Variants in JADE3 observed in about 807,000 individuals in gnomAD.
The protein encoded by JADE3 is jade family PHD finger 3, also known as protein Jade-3.
A neutral mutation model predicts 50.1 loss-of-function variants in JADE3; 2 were observed. The ratio of observed to expected loss-of-function variants is 0.04; its 90% confidence interval spans 0.02 to 0.13. The LOEUF (loss-of-function observed/expected upper bound fraction) is 0.13, where lower values mean the gene tolerates loss of function less well. Among genes scored for constraint, JADE3 ranks in the 10% least tolerant of loss-of-function variants. The pLI is 1.00. For synonymous variants in JADE3, 218 were observed against 232.9 expected (o/e 0.94, Z 0.58); for missense variants, 475 against 634.4 (o/e 0.75, Z 2.70).
chrX:47,026,881 G>A (rs1249372986), intron 5 of JADE3, among the ~76,000 whole-genome samples: 2 of 110,881 alleles, frequency 1.8e-5, no homozygotes, highest in Non-Finnish European at 3.8e-5. Flanking sequence ...GGTAAGGTTG[G>A]AATTTTAATC....
At chrX:46,982,632 T>C (rs782474759) in intron 1 of JADE3, among the ~76,000 whole-genome samples, 1 of 111,115 alleles carries the variant, frequency 9.0e-6, no homozygotes, top group South Asian at 3.8e-4. Flanking sequence ...GATTATTTTA[T>C]TGAAGTCTAT....
chrX:47,005,128 T>C (rs1211324528), intron 4 of JADE3, among the ~76,000 whole-genome samples: 1 of 111,676 alleles, frequency 9.0e-6, no homozygotes, highest in East Asian at 2.8e-4. Context: ...CTGGAGAAGC[T>C]AGCAACCCAG....
intron 10 of JADE3, 35 bp from the exon 11 acceptor site, chrX:47,058,132 C>T (rs782368497): frequency 9.8e-6 from 11 of 1,118,922 alleles, no homozygotes; most frequent in Non-Finnish European, 1.3e-5. Flanking sequence ...TTATTTAAAT[C>T]GGTTGTTAAA....
At chrX:47,023,447 AT>A (rs1230779040) in intron 4 of JADE3, among the ~76,000 whole-genome samples, 1 of 108,798 alleles carries the variant, frequency 9.2e-6, no homozygotes, top group Non-Finnish European at 1.9e-5. Context: ...ACATGATCTC[AT>A]TTTTTTTTGG....
At chrX:46,989,318 C>G (rs1456418890) in intron 3 of JADE3, among the ~76,000 whole-genome samples, 2 of 111,714 alleles carry the variant, frequency 1.8e-5, no homozygotes, top group East Asian at 5.6e-4. Context: ...TTCTGATGTT[C>G]CCATTTTTCT....
In JADE3 at chrX:47,052,633, CAAA is replaced by C. The variant is rs1195947563; in HGVS notation, c.973-1501_973-1499del. Among the ~76,000 whole-genome samples the C allele has an allele frequency of 9.0e-4, 17 of 18,914 alleles. No homozygotes were observed. In the South Asian group the frequency reaches 0.051, roughly 57 times the overall value. The allele number at this position is 18,914 out of a possible 115,157, so 16.4% of individuals were successfully genotyped here. A position where few individuals can be genotyped will look rare whatever the true frequency, so the allele number is the denominator to read the frequency against. ...TCAGCAACAGAGTGAGACTCTGTCT[CAAA>C]AAAAAAAAAAAAAAAAAAAAAAACT... On this transcript the variant is annotated intron_variant, in intron 8 of 10. Transcript: ENST00000614628.
chrX:46,925,007 A>G (rs1926324915), intron 1 of JADE3, among the ~76,000 whole-genome samples: 1 of 112,193 alleles, frequency 8.9e-6, no homozygotes, highest in Admixed American at 9.5e-5. Flanking sequence ...CTGACTAGGT[A>G]AGTGGAATAA....
At chrX:47,057,575 C>T (rs1328470627) in intron 10 of JADE3, among the ~76,000 whole-genome samples, 1 of 111,023 alleles carries the variant, frequency 9.0e-6, no homozygotes, top group African/African-American at 3.3e-5. Flanking sequence ...CATTTGTAGT[C>T]AGGAAATTAT....
chrX:46,962,046 C>T (rs782274397), intron 1 of JADE3, among the ~76,000 whole-genome samples: 1 of 112,087 alleles, frequency 8.9e-6, no homozygotes, highest in Non-Finnish European at 1.9e-5. Context: ...AATTGAGCCT[C>T]TGTTCTGAGC....
In JADE3 at chrX:46,929,813, C is replaced by T. The variant is rs191897887; in HGVS notation, c.-12+17094C>T. ...ACCATGAGTCATTCTGACCGTCTGC[C>T]TCTGCCTGGAGTGTTCTCCATATTG... On this transcript the variant is annotated intron_variant, in intron 1 of 10. Transcript: ENST00000614628. Among the ~76,000 whole-genome samples the T allele has an allele frequency of 4.8e-3, 533 of 112,083 alleles. 2 individuals are homozygous for T. The highest frequency in any genetic ancestry group is 0.017 in the African/African-American group (513 of 30,850).
chrX:46,999,954 C>T lies in JADE3; in HGVS notation c.284+1677C>T, dbSNP rs1297230575. On this transcript the variant is annotated intron_variant, in intron 4 of 10. Coordinates refer to ENST00000614628, the MANE Select transcript of JADE3 (RefSeq NM_014735.5). ...GAGAAATTGCAGATCTTATTGTACACCCATCAATTTCTGTTACATATTAGA... is the reference window on the plus strand; with the variant it reads ...GAGAAATTGCAGATCTTATTGTACATCCATCAATTTCTGTTACATATTAGA... Among the ~76,000 whole-genome samples, 4 of 111,327 alleles carry T rather than the reference C, an allele frequency of 3.6e-5. No individual in the cohort carries two copies. The Admixed American group carries it at 3.8e-4, about 11-fold the overall frequency.
At chrX:46,913,785 G>A (rs982804056) in intron 1 of JADE3, among the ~76,000 whole-genome samples, 114 of 110,015 alleles carry the variant, frequency 1.0e-3, no homozygotes, top group African/African-American at 3.6e-3. Flanking sequence ...TCGCTGTGCG[G>A]CCCTGGGACA....
intron 4 of JADE3, 45 bp downstream of exon 4, chrX:46,998,322 A>ACATTCAAT: frequency 4.5e-6 from 5 of 1,113,342 alleles, no homozygotes; most frequent in Non-Finnish European, 6.1e-6. Context: ...GAATGCTCTC[A>ACATTCAAT]TGTTTGTCTG....
At chrX:46,995,645 G>A (rs1221995849) in intron 3 of JADE3, among the ~76,000 whole-genome samples, 2 of 112,015 alleles carry the variant, frequency 1.8e-5, no homozygotes, top group Non-Finnish European at 3.8e-5. Flanking sequence ...CTTTAAAAAT[G>A]CCTTTTCTTA....
intron 1 of JADE3, among the ~76,000 whole-genome samples, chrX:46,971,671 C>T (rs1927497961): frequency 9.3e-6 from 1 of 107,430 alleles, no homozygotes; most frequent in African/African-American, 3.4e-5. Context: ...TGGCGGGCGC[C>T]TGTAGTCCCA....
intron 4 of JADE3, among the ~76,000 whole-genome samples, chrX:47,011,863 C>CA (rs1283305038): frequency 2.7e-5 from 3 of 111,947 alleles, no homozygotes; most frequent in Non-Finnish European, 5.6e-5. Context: ...CTTTATCACA[C>CA]AAAAAAGCCT....
intron 1 of JADE3, among the ~76,000 whole-genome samples, chrX:46,915,148 G>A (rs1357836157): frequency 9.0e-6 from 1 of 111,626 alleles, no homozygotes; most frequent in Admixed American, 9.5e-5. Flanking sequence ...TTTGGAAGAG[G>A]TGGGGGAGGT....
chrX:47,032,124 T>C (rs1556366858), intron 6 of JADE3, among the ~76,000 whole-genome samples: 1 of 111,020 alleles, frequency 9.0e-6, no homozygotes, highest in Admixed American at 9.6e-5. Context: ...GAATGACCAG[T>C]TATGGAGAAA....
chrX:46,951,356 G>A, intron 1 of JADE3, among the ~76,000 whole-genome samples: 1 of 94,217 alleles, frequency 1.1e-5, no homozygotes, highest in East Asian at 3.8e-4. Context: ...GGAGGCCGAG[G>A]CAGGCAGATC....
Sources: allele counts gnomAD v4.1 joint callset (sites outside exome capture counted in the v4.1 genomes callset), GRCh38; gene constraint gnomAD v4.1.1; transcripts MANE v1.5; gene names NCBI Gene and HGNC (gene_info 2026-07-23, HGNC 2026-07-21).